PRELID2: variants seen among roughly 807,000 people sequenced by gnomAD.
The protein encoded by PRELID2 is PRELI domain containing 2, also known as PRELI domain-containing protein 2.
A neutral mutation model predicts 28.4 loss-of-function variants in PRELID2; 25 were observed. The observed-to-expected ratio is 0.88, with a 90% confidence interval of 0.64 to 1.23. The LOEUF (loss-of-function observed/expected upper bound fraction) is 1.23, where lower values mean the gene tolerates loss of function less well. PRELID2 is among the 50% of genes most tolerant of loss of function. The probability of loss-of-function intolerance (pLI) is 0.00; values close to 1 mark genes in which losing one functional copy is unlikely to be tolerated. For missense variants in PRELID2, 201 were observed against 214.4 expected (o/e 0.94, Z 0.39); for synonymous variants, 76 against 71.6 (o/e 1.06, Z -0.31).
At chr5:145,431,026 T>TG in the PRELID2 span, among the ~76,000 whole-genome samples, 1 of 147,746 alleles carries the variant, frequency 6.8e-6, no homozygotes, top group South Asian at 2.1e-4. Context: ...TTTTTTTTTT[T>TG]TTTTTTTTTT....
At chr5:145,816,898 C>G (rs4334931) in intron 4 of PRELID2, among the ~76,000 whole-genome samples, 75,996 of 151,706 alleles carry the variant, frequency 0.5, 23,007 homozygotes, top group Non-Finnish European at 0.68. Flanking sequence ...CAGTGGATCA[C>G]GCCTGGAATC....
intron 1 of PRELID2, among the ~76,000 whole-genome samples, chr5:145,603,538 A>ACTT (rs1561516781): frequency 1.3e-5 from 2 of 152,182 alleles, no homozygotes; most frequent in African/African-American, 4.8e-5. Flanking sequence ...CCGCCAGAAG[A>ACTT]CTTACAAAAT....
the PRELID2 span, among the ~76,000 whole-genome samples, chr5:145,296,935 A>G: frequency 6.6e-6 from 1 of 152,138 alleles, no homozygotes; most frequent in African/African-American, 2.4e-5. Context: ...CATTTCTCTG[A>G]TGGCCAGTGA....
At chr5:145,606,180 G>T (rs534965967) in intron 1 of PRELID2, among the ~76,000 whole-genome samples, 1 of 152,144 alleles carries the variant, frequency 6.6e-6, no homozygotes, top group Non-Finnish European at 1.5e-5. Flanking sequence ...AAGACTATGG[G>T]GTTGTCTAGG....
At chr5:145,817,238 C>A (rs1399210524) in intron 4 of PRELID2, among the ~76,000 whole-genome samples, 5 of 95,958 alleles carry the variant, frequency 5.2e-5, no homozygotes, top group South Asian at 3.4e-4. Flanking sequence ...TATATATATA[C>A]TTTAGATAAA....
At chr5:145,779,223 G>C (rs1758610666) in intron 5 of PRELID2, among the ~76,000 whole-genome samples, 1 of 152,028 alleles carries the variant, frequency 6.6e-6, no homozygotes, top group Admixed American at 6.6e-5. Context: ...AGGATAAAGT[G>C]GTAAGCCTTA....
chr5:145,794,025 C>A (rs183825460), intron 5 of PRELID2, among the ~76,000 whole-genome samples: 1 of 151,990 alleles, frequency 6.6e-6, no homozygotes, highest in Non-Finnish European at 1.5e-5. Flanking sequence ...AGGAGGCCAA[C>A]GAGAGTCCCT....
intron 1 of PRELID2, among the ~76,000 whole-genome samples, chr5:145,549,505 G>A (rs1194253050): frequency 4.6e-5 from 7 of 152,116 alleles, no homozygotes; most frequent in African/African-American, 1.4e-4. Context: ...CATGCCAGGT[G>A]CAGTGGCACA....
chr5:145,297,823 TA>T, the PRELID2 span, among the ~76,000 whole-genome samples: 1 of 151,764 alleles, frequency 6.6e-6, no homozygotes, highest in Non-Finnish European at 1.5e-5. Flanking sequence ...TATACACCAA[TA>T]ACAGACAAAC....
intron 1 of PRELID2, among the ~76,000 whole-genome samples, chr5:145,657,325 T>C (rs1754413841): frequency 6.6e-6 from 1 of 152,076 alleles, no homozygotes; most frequent in African/African-American, 2.4e-5. Flanking sequence ...AAAAAATAAA[T>C]AAATAGGCAT....
chr5:145,385,506 ACT>A, the PRELID2 span, among the ~76,000 whole-genome samples: 166 of 152,146 alleles, frequency 1.1e-3, no homozygotes, highest in African/African-American at 3.9e-3. Context: ...CAAACTGACC[ACT>A]CTGTCTGATA....
At chr5:145,311,980 A>G in the PRELID2 span, among the ~76,000 whole-genome samples, 1 of 152,272 alleles carries the variant, frequency 6.6e-6, no homozygotes, top group Non-Finnish European at 1.5e-5. Context: ...ACACTGTGAA[A>G]TGATTAATCA....
At chr5:145,790,120 T>C (rs1379651551) in intron 5 of PRELID2, among the ~76,000 whole-genome samples, 1 of 152,178 alleles carries the variant, frequency 6.6e-6, no homozygotes, top group Non-Finnish European at 1.5e-5. Context: ...AGAACTACCA[T>C]ATGATCCAGC....
the PRELID2 span, among the ~76,000 whole-genome samples, chr5:145,442,794 C>T: frequency 6.6e-6 from 1 of 151,956 alleles, no homozygotes; most frequent in African/African-American, 2.4e-5. Flanking sequence ...ATTTCCATAA[C>T]CTATGATTAG....
At chr5:145,793,044 G>A (rs754141624) in intron 5 of PRELID2, among the ~76,000 whole-genome samples, 41 of 152,116 alleles carry the variant, frequency 2.7e-4, no homozygotes, top group Non-Finnish European at 4.9e-4. Flanking sequence ...GCTGCCAAAC[G>A]GAAATCCCAG....
At chr5:145,823,194 G>T in intron 1 of PRELID2, 60 bp from the exon 2 acceptor site, 2 of 851,860 alleles carry the variant, frequency 2.3e-6, no homozygotes, top group Non-Finnish European at 4.0e-6. Context: ...GAACTATTTA[G>T]AAGTAACCAC....
chr5:145,247,565 T>G, the PRELID2 span, among the ~76,000 whole-genome samples: 2 of 152,152 alleles, frequency 1.3e-5, no homozygotes, highest in African/African-American at 4.8e-5. Context: ...CAAAGGTTGC[T>G]CTGTATATGC....
chr5:145,453,382 A>T, the PRELID2 span, among the ~76,000 whole-genome samples: 1 of 152,186 alleles, frequency 6.6e-6, no homozygotes, highest in Non-Finnish European at 1.5e-5. Context: ...GCATTAGAGC[A>T]TCTGTTTATC....
the PRELID2 span, among the ~76,000 whole-genome samples, chr5:145,390,904 C>T: frequency 1.6e-3 from 249 of 152,292 alleles, no homozygotes; most frequent in African/African-American, 5.8e-3. Flanking sequence ...GGGCTACAGG[C>T]CCCATGCAAG....
Sources: allele counts gnomAD v4.1 joint callset (sites outside exome capture counted in the v4.1 genomes callset), GRCh38; gene constraint gnomAD v4.1.1; transcripts MANE v1.5; gene names NCBI Gene and HGNC (gene_info 2026-07-23, HGNC 2026-07-21).